ZBTB8OS: variants seen among roughly 807,000 people sequenced by gnomAD.
ZBTB8OS encodes tRNA splicing ligase complex subunit 1.
ZBTB8OS carries 16 observed loss-of-function variants against 29.3 expected under a neutral mutation model. That is an observed-to-expected ratio of 0.55 (90% CI 0.37 to 0.83). The LOEUF is 0.83. ZBTB8OS is among the 40% of genes least tolerant of loss of function. The probability of loss-of-function intolerance (pLI) is 0.00; values close to 1 mark genes in which losing one functional copy is unlikely to be tolerated. For synonymous variants in ZBTB8OS, 70 were observed against 64.6 expected, an observed-to-expected ratio of 1.08 and a Z score of -0.40; for missense variants, 160 against 196.9, an observed-to-expected ratio of 0.81 and a Z score of 1.12.
chr1:32,649,570 C>T (rs146971049), intron 1 of ZBTB8OS, among the ~76,000 whole-genome samples: 62 of 151,490 alleles, frequency 4.1e-4, no homozygotes, highest in Non-Finnish European at 8.0e-4. Context: ...GGCACTGCAG[C>T]GCGGGCTATG....
chr1:32,624,655 A>T (rs1644978414), intron 6 of ZBTB8OS, among the ~76,000 whole-genome samples: 1 of 152,154 alleles, frequency 6.6e-6, no homozygotes, highest in Non-Finnish European at 1.5e-5. Context: ...GCACTTTGGG[A>T]GGCCGAGGCA....
intron 1 of ZBTB8OS, among the ~76,000 whole-genome samples, chr1:32,647,594 A>G (rs1309815853): frequency 1.3e-5 from 2 of 152,172 alleles, no homozygotes; most frequent in Non-Finnish European, 2.9e-5. Flanking sequence ...CATTGCTAAC[A>G]TTACTGCCTG....
intron 1 of ZBTB8OS, among the ~76,000 whole-genome samples, chr1:32,647,704 T>C (rs183583340): frequency 2.8e-4 from 43 of 152,314 alleles, no homozygotes; most frequent in African/African-American, 9.6e-4. Context: ...GTGTGCTCCT[T>C]ATGAGAATCT....
rs1408898696 is a variant in ZBTB8OS at position 32,650,517 on chromosome 1, C to T, written c.13G>A (p.Glu5Lys). The change falls in exon 1 of 7, where the codon GAG becomes AAG. Residue 5 changes from glutamate to lysine, a missense_variant. Coordinates refer to ENST00000468695, the MANE Select transcript of ZBTB8OS (RefSeq NM_178547.5). MAQEEEDVRDYNLTE... is the reference protein window; with the variant it reads MAQEKEDVRDYNLTE... ...AAATTGTAATCTCTAACATCTTCCTCTTCCTGCGCCATGACTGCAGGATTA... is the reference window on the plus strand; with the variant it reads ...AAATTGTAATCTCTAACATCTTCCTTTTCCTGCGCCATGACTGCAGGATTA... 6.2e-7 allele frequency: 1 copy of T among 1,614,228 alleles called. No homozygotes were observed. The highest frequency in any genetic ancestry group is 1.1e-5 in the South Asian group (1 of 91,080).
chr1:32,650,750 C>G (rs1412503892), upstream of ZBTB8OS: 1 of 727,024 alleles, frequency 1.4e-6, no homozygotes, highest in Non-Finnish European at 2.2e-6. Flanking sequence ...ATTACTAGTT[C>G]TTTCCAAAGA....
rs145631258 is a variant in ZBTB8OS, at chr1:32,640,222, G to A, written c.98-5430C>T. On this transcript the variant is annotated intron_variant, in intron 1 of 6. Transcript: ENST00000468695. ...AGCAATTCCCCTGCCTCAGCCTCCC[G>A]AGTAGCTGGGATTACAGGCGCACGC... 3.0e-3 allele frequency among the ~76,000 whole-genome samples: 453 copies of A among 151,980 alleles called. 3 individuals carry two copies. The highest frequency in any genetic ancestry group is 0.01 in the African/African-American group (416 of 41,458).
At chr1:32,644,534 CTTT>C (rs57960226) in intron 1 of ZBTB8OS, among the ~76,000 whole-genome samples, 9 of 127,036 alleles carry the variant, frequency 7.1e-5, no homozygotes, top group Admixed American at 8.3e-5. Flanking sequence ...TTTCTTTTTC[CTTT>C]TTTTTTTTTT....
intron 6 of ZBTB8OS, among the ~76,000 whole-genome samples, chr1:32,625,799 T>G (rs943129335): frequency 2.0e-5 from 3 of 152,086 alleles, no homozygotes; most frequent in Non-Finnish European, 4.4e-5. Flanking sequence ...AGAATACAGT[T>G]ATGTGCCGCA....
In ZBTB8OS at chr1:32,628,771, A is replaced by G. The variant is rs139937952; in HGVS notation, c.381-1227T>C. On this transcript the variant is annotated intron_variant, in intron 5 of 6. Transcript: ENST00000468695. ...GCCAACATGGTGAGAACTCGTCTCT[A>G]CTAAAAATACAAAAATTAGGCAGGC... Among the ~76,000 whole-genome samples, 526 of 152,204 alleles carry G rather than the reference A, an allele frequency of 3.5e-3. 4 individuals carry two copies. The highest frequency in any genetic ancestry group is 0.012 in the African/African-American group (509 of 41,522).
intron 1 of ZBTB8OS, among the ~76,000 whole-genome samples, chr1:32,639,155 C>A (rs375821553): frequency 2.0e-5 from 3 of 151,364 alleles, no homozygotes; most frequent in African/African-American, 7.3e-5. Context: ...AAAATTAGCC[C>A]GGTGTGGTAG....
intron 1 of ZBTB8OS, 73 bp downstream of exon 1, chr1:32,650,360 C>A: frequency 6.3e-7 from 1 of 1,588,298 alleles, no homozygotes; most frequent in South Asian, 1.1e-5. Context: ...GAAAGAGCAG[C>A]AGGAAGCCGC....
At chr1:32,625,521 G>A (rs749248044) in intron 6 of ZBTB8OS, among the ~76,000 whole-genome samples, 2 of 151,358 alleles carry the variant, frequency 1.3e-5, no homozygotes, top group South Asian at 2.1e-4. Flanking sequence ...GCAATAGCAT[G>A]AGACTCCGTC....
chr1:32,628,159 A>G (rs1264176179), intron 5 of ZBTB8OS, among the ~76,000 whole-genome samples: 1 of 150,942 alleles, frequency 6.6e-6, no homozygotes, highest in Non-Finnish European at 1.5e-5. Context: ...GCAGTTTGAG[A>G]CCAGCCTGAC....
At chr1:32,639,186 T>C (rs543213334) in intron 1 of ZBTB8OS, among the ~76,000 whole-genome samples, 1 of 151,696 alleles carries the variant, frequency 6.6e-6, no homozygotes, top group South Asian at 2.1e-4. Context: ...TAGTCCCAGA[T>C]ACTCGGGAGG....
chr1:32,648,143 C>T (rs1011725594), intron 1 of ZBTB8OS, among the ~76,000 whole-genome samples: 2 of 152,000 alleles, frequency 1.3e-5, no homozygotes, highest in East Asian at 3.8e-4. Flanking sequence ...TGTTCAACTT[C>T]ACTTACAATA....
chr1:32,630,691 CAT>C (rs754433079), intron 5 of ZBTB8OS, among the ~76,000 whole-genome samples: 27 of 151,618 alleles, frequency 1.8e-4, no homozygotes, highest in Non-Finnish European at 3.4e-4. Context: ...GCCTGGGCAA[CAT>C]AGTGAATGAG....
chr1:32,635,994 G>A (rs79757680), intron 1 of ZBTB8OS, among the ~76,000 whole-genome samples: 2,734 of 152,236 alleles, frequency 0.018, 85 homozygotes, highest in African/African-American at 0.062. Context: ...AATTGCTCTC[G>A]TGGATAACAT....
intron 1 of ZBTB8OS, among the ~76,000 whole-genome samples, chr1:32,636,253 A>G (rs946646017): frequency 6.6e-6 from 1 of 152,130 alleles, no homozygotes; most frequent in South Asian, 2.1e-4. Flanking sequence ...GCTCAGGGAG[A>G]CTGATTTGAG....
intron 1 of ZBTB8OS, 30 bp from the exon 2 acceptor site, chr1:32,634,822 G>A (rs760209215): frequency 2.1e-6 from 3 of 1,436,406 alleles, no homozygotes; most frequent in Non-Finnish European, 2.9e-6. Flanking sequence ...ACACTTATAA[G>A]ACACTAAACT....
Sources: gnomAD v4.1 joint callset for allele counts (sites outside exome capture counted in the v4.1 genomes callset) on GRCh38, gnomAD v4.1.1 for gene constraint, MANE v1.5 for transcripts, NCBI Gene and HGNC (gene_info 2026-07-23, HGNC 2026-07-21) for gene names.